Variants in EIF6 observed in about 807,000 individuals in gnomAD.
The protein encoded by EIF6 is B4 integrin interactor.
A neutral mutation model predicts 25.5 loss-of-function variants in EIF6; 10 were observed. That is an observed-to-expected ratio of 0.39 (90% CI 0.24 to 0.66). The LOEUF (loss-of-function observed/expected upper bound fraction) is 0.66. EIF6 is among the 30% of genes least tolerant of loss of function. The probability of loss-of-function intolerance (pLI) is 0.45; values close to 1 mark genes in which losing one functional copy is unlikely to be tolerated. For missense variants in EIF6, 246 were observed against 315.4 expected, an observed-to-expected ratio of 0.78 and a Z score of 1.67; for synonymous variants, 122 against 122.6, an observed-to-expected ratio of 1.00 and a Z score of 0.03.
intron 3 of EIF6, among the ~76,000 whole-genome samples, chr20:35,282,787 T>C (rs1199005802): frequency 6.6e-6 from 1 of 152,018 alleles, no homozygotes; most frequent in Non-Finnish European, 1.5e-5. Flanking sequence ...TTTCTGTATT[T>C]TTAGTAGAGA....
At chr20:35,280,615 A>T (rs371459122) in intron 4 of EIF6, 39 bp downstream of exon 4, 18 of 1,605,296 alleles carry the variant, frequency 1.1e-5, no homozygotes, top group Admixed American at 1.7e-5. Flanking sequence ...ACTGACTAGG[A>T]TGGCCCTGTG....
intron 1 of EIF6, 38 bp downstream of exon 1, chr20:35,284,688 G>A (rs1007776104): frequency 8.1e-6 from 5 of 616,438 alleles, no homozygotes; most frequent in African/African-American, 3.8e-5. Flanking sequence ...ACCCAGGACC[G>A]GAGCTGACCC....
rs769953859 is a variant in EIF6 at position 35,279,767 on chromosome 20, A to G, written c.547-20T>C. On this transcript the variant is annotated intron_variant, in intron 5 of 6. Coordinates refer to ENST00000374450, the MANE Select transcript of EIF6 (RefSeq NM_002212.4). ...CCCCGCCTGCCAAGGGATGGGCTCAATGTGAGTCACGGCACCAAATTCTCT... is the reference window on the plus strand; with the variant it reads ...CCCCGCCTGCCAAGGGATGGGCTCAGTGTGAGTCACGGCACCAAATTCTCT... 16 of 1,612,612 alleles carry G rather than the reference A, an allele frequency of 9.9e-6. No homozygotes were observed. The highest frequency in any genetic ancestry group is 2.2e-5 in the East Asian group (1 of 44,842).
chr20:35,284,390 T>G lies in EIF6; in HGVS notation c.98A>C (p.Asn33Thr). Reference sequence around the variant, plus strand: ...GGGGCTCCCGCCGCACCTGTAGAAGTTCTCTGAGCCTCCGATCGCTACCAG... The same window carrying G: ...GGGGCTCCCGCCGCACCTGTAGAAGGTCTCTGAGCCTCCGATCGCTACCAG... The part of the protein sequence containing the change: ...YCLVAIGGSE[N>T]FYSVFEGELS... Residue 33 changes from asparagine (N) to threonine (T), a missense_variant, in exon 2 of 7, where the codon AAC becomes ACC. Coordinates refer to ENST00000374450, the MANE Select transcript of EIF6 (RefSeq NM_002212.4). 1 of 1,613,970 alleles carries G rather than the reference T, an allele frequency of 6.2e-7. No homozygotes were observed. Among genetic ancestry groups the G allele is most frequent in the Non-Finnish European group, 8.5e-7 (1 of 1,179,966 alleles).
chr20:35,278,923 C>G lies in EIF6; in HGVS notation c.*274G>C. ...CCCAAACATCACATTCAGAATGGCC[C>G]GGAGGGAACTGCACTTTAATGGGGT... On this transcript the variant is annotated 3_prime_UTR_variant, in exon 7 of 7. Coordinates refer to ENST00000374450, the MANE Select transcript of EIF6 (RefSeq NM_002212.4). 1 of 526,336 alleles carries G rather than the reference C, an allele frequency of 1.9e-6. No homozygotes were observed. Among genetic ancestry groups the G allele is most frequent in the Non-Finnish European group, 3.4e-6 (1 of 290,318 alleles). The allele number at this position is 526,336 out of a possible 1,614,324, so 32.6% of individuals were successfully genotyped here.
intron 3 of EIF6, 77 bp from the exon 4 acceptor site, chr20:35,280,906 A>AGG: frequency 2.7e-6 from 4 of 1,502,930 alleles, no homozygotes; most frequent in Non-Finnish European, 1.8e-6. Context: ...CACTCAGCCC[A>AGG]GCCCAATCAG....
intron 3 of EIF6, 123 bp downstream of exon 3, chr20:35,284,053 A>C: frequency 7.9e-7 from 1 of 1,262,604 alleles, no homozygotes; most frequent in Non-Finnish European, 1.1e-6. Context: ...GAGAGATTCT[A>C]TAGTGCCCAG....
At chr20:35,283,136 A>AC (rs1178165481) in intron 3 of EIF6, among the ~76,000 whole-genome samples, 2 of 152,210 alleles carry the variant, frequency 1.3e-5, no homozygotes, top group African/African-American at 4.8e-5. Flanking sequence ...TACTAAAAAT[A>AC]CAAAAAAATT....
rs773641573 is a variant in EIF6 at position 35,280,769 on chromosome 20, C to T, written c.254G>A (p.Arg85His). The change falls in exon 4 of 7, where the codon CGC (arginine) becomes CAC (histidine). Residue 85 changes from arginine (R) to histidine (H), a missense_variant. By Grantham distance (29) the Arg-to-His change is conservative (BLOSUM62 0). Coordinates refer to ENST00000374450, the MANE Select transcript of EIF6 (RefSeq NM_002212.4). ...CTGCACTGTGTCTGGGAGGCTGTTGCGAATGTGTTGCAGCTCCTGGTCGGT... is the reference window on the plus strand; with the variant it reads ...CTGCACTGTGTCTGGGAGGCTGTTGTGAATGTGTTGCAGCTCCTGGTCGGT... Reference protein sequence around the residue: ...NTTDQELQHIRNSLPDTVQIR... With the variant: ...NTTDQELQHIHNSLPDTVQIR... The T allele has an allele frequency of 2.5e-6, 4 of 1,613,962 alleles. No individual in the cohort carries two copies. The Admixed American group carries it at 5.0e-5, about 20-fold the overall frequency.
chr20:35,282,288 C>G lies in EIF6; in HGVS notation c.194-1459G>C, dbSNP rs115603873. Reference sequence around the variant, plus strand: ...ACAGGCGTGAGCCACCATGCCCGGCCAGCAGCACTATTCCTAACAGACCAA... The same window carrying G: ...ACAGGCGTGAGCCACCATGCCCGGCGAGCAGCACTATTCCTAACAGACCAA... On this transcript the variant is annotated intron_variant, in intron 3 of 6. Coordinates refer to ENST00000374450, the MANE Select transcript of EIF6 (RefSeq NM_002212.4). Among the ~76,000 whole-genome samples, 543 of 152,288 alleles carry G rather than the reference C, an allele frequency of 3.6e-3. 5 individuals carry two copies. Among genetic ancestry groups the G allele is most frequent in the African/African-American group, 0.013 (521 of 41,568 alleles).
At chr20:35,284,146 C>CCCTCCCTCGGCGT in intron 3 of EIF6, 30 bp downstream of exon 3, 1 of 1,557,592 alleles carries the variant, frequency 6.4e-7, no homozygotes, top group South Asian at 1.2e-5. Context: ...GGAGACCACT[C>CCCTCCCTCGGCGT]CCTCCCTCGG....
At position 35,284,723 on chromosome 20, in the gene EIF6, T is replaced by G. The variant is rs879017156; in HGVS notation, c.-6+3A>C. On this transcript the variant is annotated splice_donor_region_variant and intron_variant, in intron 1 of 6. Transcript: ENST00000374450. ...CTCCCAGGTTCCCCTCACACCAGCTTACCAAGTAACCAGTAACAAGCTCCG... is the reference window on the plus strand; with the variant it reads ...CTCCCAGGTTCCCCTCACACCAGCTGACCAAGTAACCAGTAACAAGCTCCG... 2.5e-5 allele frequency: 14 copies of G among 568,200 alleles called. No homozygotes were observed. In the South Asian group the frequency reaches 3.3e-4, roughly 13 times the overall value. The allele number at this position is 568,200 out of a possible 1,614,324, so 35.2% of individuals were successfully genotyped here. A position where few individuals can be genotyped will look rare whatever the true frequency, so the allele number is the denominator to read the frequency against.
rs780436734 is a variant in EIF6, at chr20:35,280,791, C to T, written c.232G>A (p.Asp78Asn). 2.5e-5 allele frequency: 41 copies of T among 1,613,920 alleles called. No homozygotes were observed. Among genetic ancestry groups the T allele is most frequent in the African/African-American group, 4.0e-5 (3 of 74,900 alleles). The stretch of plus-strand genomic sequence containing the variant: ...TTGCGAATGTGTTGCAGCTCCTGGT[C>T]GGTGGTATTGTTGGGTACCAGGAGA... ...HGLLVPNNTT[D>N]QELQHIRNSL... The change falls in exon 4 of 7, where the codon GAC (aspartate) becomes AAC (asparagine). Residue 78 changes from aspartate to asparagine, a missense_variant. Physicochemically the swap from Asp to Asn is conservative, Grantham distance 23. Transcript: ENST00000374450.
At chr20:35,281,626 T>C (rs528805686) in intron 3 of EIF6, among the ~76,000 whole-genome samples, 3 of 151,914 alleles carry the variant, frequency 2.0e-5, no homozygotes, top group Non-Finnish European at 4.4e-5. Flanking sequence ...TTTGTGATTT[T>C]GTAGAGATGG....
At position 35,279,584 on chromosome 20, in the gene EIF6, C is replaced by T. The variant is rs765274114; in HGVS notation, c.710G>A (p.Arg237Gln). 7.4e-6 allele frequency: 12 copies of T among 1,613,934 alleles called. No homozygotes were observed. Among genetic ancestry groups the T allele is most frequent in the Middle Eastern group, 3.3e-4 (2 of 6,084 alleles). ...AQPSTIATSM[R>Q]DSLIDSLT ...CAGGTACCTGTCAATGAGGGAATCC[C>T]GCATGCTGGTGGCAATGGTGCTAGG... is the stretch of plus-strand genomic sequence containing the variant. The change falls in exon 6 of 7, where the codon CGG becomes CAG. Residue 237 changes from arginine (R) to glutamine (Q), a missense_variant. Transcript: ENST00000374450.
intron 3 of EIF6, among the ~76,000 whole-genome samples, chr20:35,282,605 G>A (rs2060785563): frequency 6.6e-6 from 1 of 151,412 alleles, no homozygotes. Flanking sequence ...GTTGTTTTTT[G>A]TTTTTTGTTT....
chr20:35,280,396 C>T (rs1333743350), intron 4 of EIF6, among the ~76,000 whole-genome samples: 2 of 152,196 alleles, frequency 1.3e-5, no homozygotes, highest in Non-Finnish European at 2.9e-5. Flanking sequence ...GTTCAACAGT[C>T]AATCACCTAT....
chr20:35,284,161 C>A lies in EIF6; in HGVS notation c.193+15G>T. Reference sequence around the variant, plus strand: ...GGAGACCACTCCCTCCCTCGGCGTCCTCCACCTGCCTTACCCACACACATG... The same window carrying A: ...GGAGACCACTCCCTCCCTCGGCGTCATCCACCTGCCTTACCCACACACATG... On this transcript the variant is annotated intron_variant, in intron 3 of 6. Transcript: ENST00000374450. 1 of 1,572,010 alleles carries A rather than the reference C, an allele frequency of 6.4e-7. No homozygotes were observed.
chr20:35,283,287 C>CAAAAAAAAAAAAAAAAAAAAAA (rs199899332), intron 3 of EIF6, among the ~76,000 whole-genome samples: 2 of 137,024 alleles, frequency 1.5e-5, no homozygotes, highest in African/African-American at 5.6e-5. Flanking sequence ...AACTCCATCT[C>CAAAAAAAAAAAAAAAAAAAAAA]AAAAAAAAAT....
Sources: allele counts gnomAD v4.1 joint callset (sites outside exome capture counted in the v4.1 genomes callset), GRCh38; gene constraint gnomAD v4.1.1; transcripts MANE v1.5; gene names NCBI Gene and HGNC (gene_info 2026-07-23, HGNC 2026-07-21).